The following RABGAP1 variants were observed in gnomAD, a reference collection of about 807,000 sequenced individuals.
RABGAP1 encodes RAB GTPase activating protein 1.
Under a neutral mutation model 137.6 loss-of-function variants are expected in RABGAP1, and 23 were observed. The ratio of observed to expected loss-of-function variants is 0.17; its 90% CI spans 0.12 to 0.24. RABGAP1 has a LOEUF of 0.24. RABGAP1 is among the 10% of genes least tolerant of loss of function. RABGAP1 has a pLI of 1.00. For missense variants in RABGAP1, 906 were observed against 1,275.8 expected (o/e 0.71, Z 4.42); for synonymous variants, 451 against 450.7 (o/e 1.00, Z -0.01).
chr9:123,100,818 C>A (rs1054821795), intron 24 of RABGAP1, among the ~76,000 whole-genome samples: 4 of 152,104 alleles, frequency 2.6e-5, no homozygotes, highest in African/African-American at 9.7e-5. Context: ...GGAAAAAAGC[C>A]CTTATGATCC....
chr9:123,090,790 G>C (rs1002307451), intron 21 of RABGAP1, among the ~76,000 whole-genome samples: 10 of 152,234 alleles, frequency 6.6e-5, no homozygotes, highest in African/African-American at 2.4e-4. Flanking sequence ...TTGGAATGCA[G>C]CTCAGTACCT....
In RABGAP1 at chr9:122,957,106, C is replaced by T. The variant is rs1834568610; in HGVS notation, c.47C>T (p.Ser16Leu). ...GGAAAAATCAGTGTCTCTTCAGACT[C>T]AGTATCTACTCTTAATAGTGAAGAT... ...SVGKISVSSD[S>L]VSTLNSEDFV... is the part of the protein sequence containing the mutation. Residue 16 changes from serine to leucine, a missense_variant, in exon 2 of 26, where the codon TCA becomes TTA. Physicochemically the swap from Ser to Leu is moderately radical, Grantham distance 145 (BLOSUM62 -2). This residue lies in a region of RABGAP1 where 331 missense variants were observed against 358.3 expected (regional missense o/e 0.92). Transcript: ENST00000373647. 5 of 1,553,260 alleles carry T rather than the reference C, an allele frequency of 3.2e-6. No homozygotes were observed. Among genetic ancestry groups the T allele is most frequent in the Non-Finnish European group, 4.4e-6 (5 of 1,138,072 alleles).
At chr9:122,991,089 A>G (rs958896193) in intron 6 of RABGAP1, among the ~76,000 whole-genome samples, 2 of 151,690 alleles carry the variant, frequency 1.3e-5, no homozygotes, top group Admixed American at 6.6e-5. Context: ...TGAGTGGTGG[A>G]AAGAACCATG....
intron 13 of RABGAP1, among the ~76,000 whole-genome samples, chr9:123,043,135 C>T (rs994844350): frequency 3.9e-5 from 6 of 152,250 alleles, no homozygotes; most frequent in Admixed American, 2.0e-4. Flanking sequence ...AAAATATTCA[C>T]CTGCCTTAAC....
At chr9:123,044,795 A>G (rs913153005) in intron 13 of RABGAP1, among the ~76,000 whole-genome samples, 1 of 152,192 alleles carries the variant, frequency 6.6e-6, no homozygotes, top group Non-Finnish European at 1.5e-5. Context: ...CTTAGAAGGC[A>G]GTGTGAGAGA....
At chr9:122,969,249 A>C (rs921176783) in intron 2 of RABGAP1, among the ~76,000 whole-genome samples, 1 of 152,242 alleles carries the variant, frequency 6.6e-6, no homozygotes, top group African/African-American at 2.4e-5. Flanking sequence ...AGGCTATACC[A>C]TACAGCCTAG....
Position 123,070,225 on chromosome 9 carries a change from T to C in RABGAP1, c.1909-125T>C. On this transcript the variant is annotated intron_variant, in intron 14 of 25. Coordinates refer to ENST00000373647, the MANE Select transcript of RABGAP1 (RefSeq NM_012197.4). This position sits in a 1 kb window ranked among gnomAD's most constrained non-coding sequence, Gnocchi z 4.4. ...AGAAGTATTGGCACCACTTACTGTC[T>C]GTCAAAATGCTGTCCCAGTGTGGGT... 6.7e-7 allele frequency: 1 copy of C among 1,487,566 alleles called. No individual in the cohort carries two copies. The highest frequency in any genetic ancestry group is 8.9e-7 in the Non-Finnish European group (1 of 1,119,230). The allele number at this position is 1,487,566 out of a possible 1,614,324, so 92.1% of individuals were successfully genotyped here. A position where few individuals can be genotyped will look rare whatever the true frequency, so the allele number is the denominator to read the frequency against.
chr9:122,938,378 C>T (rs577012804), upstream of RABGAP1: 10 of 152,188 alleles, frequency 6.6e-5, no homozygotes, highest in Non-Finnish European at 1.5e-4. Context: ...ATTTTGGCTC[C>T]AGCCTACTAC....
intron 19 of RABGAP1, among the ~76,000 whole-genome samples, chr9:123,080,697 G>A (rs1245967081): frequency 2.6e-5 from 4 of 152,136 alleles, no homozygotes; most frequent in Non-Finnish European, 4.4e-5. Context: ...ATTAGACCTC[G>A]AAAGGGCGGT....
At chr9:123,084,392 A>T (rs1588395506) in intron 19 of RABGAP1, among the ~76,000 whole-genome samples, 1 of 152,202 alleles carries the variant, frequency 6.6e-6, no homozygotes, top group African/African-American at 2.4e-5. Context: ...TCCTTAATGT[A>T]CCAGACTCTT....
chr9:123,020,528 T>C, intron 13 of RABGAP1, 69 bp downstream of exon 13: 5 of 1,311,656 alleles, frequency 3.8e-6, no homozygotes, highest in Non-Finnish European at 5.0e-6. Context: ...ATCATTATAG[T>C]TATTTGACTT....
chr9:123,099,364 C>A, intron 23 of RABGAP1, 114 bp from the exon 24 acceptor site: 1 of 963,756 alleles, frequency 1.0e-6, no homozygotes, highest in Non-Finnish European at 1.6e-6. Context: ...TGAGCGGTAG[C>A]AGGCTATTTG....
chr9:122,942,921 G>A (rs527271274), intron 1 of RABGAP1, among the ~76,000 whole-genome samples: 1 of 151,940 alleles, frequency 6.6e-6, no homozygotes, highest in Non-Finnish European at 1.5e-5. Context: ...TGAGGTGGGA[G>A]GACTACTTGA....
intron 17 of RABGAP1, 99 bp from the exon 18 acceptor site, chr9:123,076,141 CTTAAG>C: frequency 1.6e-6 from 2 of 1,233,106 alleles, no homozygotes; most frequent in Non-Finnish European, 2.3e-6. Flanking sequence ...CATTTCCTTC[CTTAAG>C]TTTTCACAAT....
At chr9:123,103,056 G>A in intron 25 of RABGAP1, 35 bp from the exon 26 acceptor site, 1 of 1,605,292 alleles carries the variant, frequency 6.2e-7, no homozygotes, top group Middle Eastern at 1.7e-4. Context: ...TTGACACCAA[G>A]CCCAGCATCC....
Position 123,074,438 on chromosome 9 carries a change from A to G in RABGAP1, c.2253+10A>G. ...CCTGCTTTTATGTGAGGTATGTATCAGAGGCCACAGCACTTTGGCTTTTGT... is the reference window on the plus strand; with the variant it reads ...CCTGCTTTTATGTGAGGTATGTATCGGAGGCCACAGCACTTTGGCTTTTGT... On this transcript the variant is annotated intron_variant, in intron 17 of 25. Transcript: ENST00000373647. 6.2e-7 allele frequency: 1 copy of G among 1,609,134 alleles called. No homozygotes were observed. Among genetic ancestry groups the G allele is most frequent in the South Asian group, 1.1e-5 (1 of 90,600 alleles).
chr9:123,052,902 T>C (rs2033548997), intron 13 of RABGAP1, among the ~76,000 whole-genome samples: 1 of 152,224 alleles, frequency 6.6e-6, no homozygotes, highest in African/African-American at 2.4e-5. Context: ...ATCACGCCAC[T>C]GCACTCCAGC....
chr9:123,070,445 T>C lies in RABGAP1; in HGVS notation c.1983+21T>C. The C allele has an allele frequency of 6.2e-7, 1 of 1,614,024 alleles. No homozygotes were observed. The highest frequency in any genetic ancestry group is 8.5e-7 in the Non-Finnish European group (1 of 1,179,934). On this transcript the variant is annotated intron_variant, in intron 15 of 25. Transcript: ENST00000373647. This position sits in a 1 kb window ranked among gnomAD's most constrained non-coding sequence, Gnocchi z 4.4. The stretch of plus-strand genomic sequence containing the variant: ...TCCATGTGAGTAATTAGGTCTCTGT[T>C]ATGACTTAACACATGGCCTCCCTCA...
At chr9:122,999,781 C>T (rs1303491416) in intron 10 of RABGAP1, among the ~76,000 whole-genome samples, 1 of 151,136 alleles carries the variant, frequency 6.6e-6, no homozygotes, top group Non-Finnish European at 1.5e-5. Flanking sequence ...TTTTCCTGCC[C>T]ATCTCTCTTC....
Sources: allele counts gnomAD v4.1 joint callset (sites outside exome capture counted in the v4.1 genomes callset), GRCh38; gene constraint gnomAD v4.1.1; regional missense constraint gnomAD v4.1.1; non-coding constraint Gnocchi (gnomAD v3.1); transcripts MANE v1.5; gene names NCBI Gene and HGNC (gene_info 2026-07-23, HGNC 2026-07-21).